TBC1D9B: variants seen among roughly 807,000 people sequenced by gnomAD.
TBC1D9B encodes the protein TBC1 domain family member 9B.
A neutral mutation model predicts 121.1 loss-of-function variants in TBC1D9B; 87 were observed. The observed-to-expected ratio is 0.72, with a 90% CI of 0.60 to 0.86. The LOEUF is 0.86. Ranked by LOEUF, TBC1D9B falls within the 40% of genes least tolerant of loss-of-function variation. TBC1D9B has a pLI of 0.00. For missense variants in TBC1D9B, 1,540 were observed against 1,628.6 expected (o/e 0.95, Z 0.94); for synonymous variants, 668 against 670.1 (o/e 1.00, Z 0.05).
chr5:179,895,984 C>T (rs1480999836), intron 3 of TBC1D9B, among the ~76,000 whole-genome samples: 1 of 152,220 alleles, frequency 6.6e-6, no homozygotes, highest in African/African-American at 2.4e-5. Flanking sequence ...TATACGTTCT[C>T]CTTTATTGGA....
In TBC1D9B at chr5:179,862,275, A is replaced by G. The variant is rs554332055; in HGVS notation, c.*1173T>C. On this transcript the variant is annotated 3_prime_UTR_variant, in exon 21 of 21. Coordinates refer to ENST00000355235, the MANE Select transcript of TBC1D9B (RefSeq NM_015043.4). ...CTGTGGATAAGGGGGTAACTGCTGT[A>G]TCTTTTAGTAGAAGCAAGAGCAGCC... 6.0e-5 allele frequency: 16 copies of G among 265,120 alleles called. No homozygotes were observed. The East Asian group carries it at 1.3e-3, about 21-fold the overall frequency. 16.4% of individuals were successfully genotyped at this position (265,120 alleles called of 1,614,324 possible).
rs1760155959 is a variant in TBC1D9B at position 179,870,424 on chromosome 5, G to A, written c.2556C>T (p.Pro852=). 1 of 1,613,380 alleles carries A rather than the reference G, an allele frequency of 6.2e-7. No homozygotes were observed. ...CATCAATCCGGTACTGCTCCAGGTA[G>A]GGCAGGCTGGGGTCCCGACGGCCGG... The part of the protein sequence containing the change: ...TMAGRRDPSL[P]YLEQYRIDAS... Residue 852 remains proline, a synonymous_variant, in exon 16 of 21, where the codon CCC becomes CCT. Transcript: ENST00000355235.
At position 179,874,669 on chromosome 5, in the gene TBC1D9B, C is replaced by T. The variant is rs182731884; in HGVS notation, c.2186+233G>A. ...ACCCTACATCTGAGCGGTGGCCCTC[C>T]AGCCAGCATGCTCTGCCCGCAGTGC... On this transcript the variant is annotated intron_variant, in intron 12 of 20. Coordinates refer to ENST00000355235, the MANE Select transcript of TBC1D9B (RefSeq NM_015043.4). This position sits in a 1 kb window ranked among gnomAD's most constrained non-coding sequence, Gnocchi z 4.3. Among the ~76,000 whole-genome samples, 408 of 152,330 alleles carry T rather than the reference C, an allele frequency of 2.7e-3. 4 individuals carry two copies. Among genetic ancestry groups the T allele is most frequent in the African/African-American group, 9.4e-3 (390 of 41,588 alleles).
intron 13 of TBC1D9B, 54 bp from the exon 14 acceptor site, chr5:179,873,044 C>T: frequency 6.2e-7 from 1 of 1,613,574 alleles, no homozygotes; most frequent in Non-Finnish European, 8.5e-7. Context: ...CAGAGGGCCA[C>T]CACCTGCCCA....
At position 179,863,300 on chromosome 5, in the gene TBC1D9B, C is replaced by T. The variant is rs747481948; in HGVS notation, c.*148G>A. The T allele has an allele frequency of 3.1e-4, 289 of 941,822 alleles. 1 individual carries two copies. Among genetic ancestry groups the T allele is most frequent in the Non-Finnish European group, 3.5e-4 (222 of 641,114 alleles). 58.3% of individuals were successfully genotyped at this position (941,822 alleles called of 1,614,324 possible). On this transcript the variant is annotated 3_prime_UTR_variant, in exon 21 of 21. Coordinates refer to ENST00000355235, the MANE Select transcript of TBC1D9B (RefSeq NM_015043.4). The surrounding 1 kb of genome is among the most constrained non-coding windows in gnomAD (Gnocchi z 4.5). ...TCTGTCTAAGGCAGCTGGGTCTGCACCAGCCTTCTTTCCACTCACAACTCA... is the reference window on the plus strand; with the variant it reads ...TCTGTCTAAGGCAGCTGGGTCTGCATCAGCCTTCTTTCCACTCACAACTCA...
intron 16 of TBC1D9B, 148 bp from the exon 17 acceptor site, chr5:179,869,982 T>C: frequency 1.1e-6 from 1 of 949,128 alleles, no homozygotes; most frequent in Non-Finnish European, 1.5e-6. Context: ...CCTGTCTCCC[T>C]GGCGTCCTGC....
Position 179,890,179 on chromosome 5 carries a change from C to G in TBC1D9B, c.1044+1200G>C, listed in dbSNP as rs1482890296. 6.6e-6 allele frequency among the ~76,000 whole-genome samples: 1 copy of G among 152,200 alleles called. No individual in the cohort carries two copies. The highest frequency in any genetic ancestry group is 2.4e-5 in the African/African-American group (1 of 41,446). ...AGTGAGCTGCGTGCGCAAAAGCCTGCAGGCTGGAACGTGGAGGAGCAGGTG... is the reference window on the plus strand; with the variant it reads ...AGTGAGCTGCGTGCGCAAAAGCCTGGAGGCTGGAACGTGGAGGAGCAGGTG... On this transcript the variant is annotated intron_variant, in intron 6 of 20. Transcript: ENST00000355235. This position sits in a 1 kb window ranked among gnomAD's most constrained non-coding sequence, Gnocchi z 5.0.
chr5:179,892,867 G>A (rs966217102), intron 5 of TBC1D9B, among the ~76,000 whole-genome samples: 2 of 152,188 alleles, frequency 1.3e-5, no homozygotes, highest in African/African-American at 4.8e-5. Context: ...CTCACTAACC[G>A]AGGGACTTCA....
Position 179,879,630 on chromosome 5 carries a change from C to A in TBC1D9B, c.1414G>T (p.Gly472Trp), listed in dbSNP as rs765098338. 3.1e-6 allele frequency: 5 copies of A among 1,613,778 alleles called. No homozygotes were observed. Among genetic ancestry groups the A allele is most frequent in the Admixed American group, 1.7e-5 (1 of 60,004 alleles). Reference protein sequence around the residue: ...NSPMEDLGAKGAKEKMKEESW... With the variant: ...NSPMEDLGAKWAKEKMKEESW... ...GAGTGCCGGCGCTCAGGGCTCACCC[C>A]CTTGGCTCCAAGGTCCTCCATGGGC... is the stretch of plus-strand genomic sequence containing the variant. Residue 472 changes from glycine to tryptophan, a missense_variant and splice_region_variant, in exon 8 of 21, where the codon GGG becomes TGG. Gly to Trp is a radical substitution (Grantham distance 184). Coordinates refer to ENST00000355235, the MANE Select transcript of TBC1D9B (RefSeq NM_015043.4).
rs111881307 is a variant in TBC1D9B at position 179,904,527 on chromosome 5, G to A, written c.229+175C>T. Among the ~76,000 whole-genome samples the A allele has an allele frequency of 2.1e-4, 32 of 152,204 alleles. 1 individual carries two copies. The highest frequency in any genetic ancestry group is 6.5e-4 in the African/African-American group (27 of 41,534). On this transcript the variant is annotated intron_variant, in intron 2 of 20. Transcript: ENST00000355235. This position sits in a 1 kb window ranked among gnomAD's most constrained non-coding sequence, Gnocchi z 4.2. The stretch of plus-strand genomic sequence containing the variant: ...GACGTGAGCCACCGCACCGGGCCAC[G>A]GAGCTGCCTTTCTAAGATGGAAGCG...
intron 7 of TBC1D9B, among the ~76,000 whole-genome samples, chr5:179,887,446 G>A (rs1760721591): frequency 6.6e-6 from 1 of 152,242 alleles, no homozygotes; most frequent in Non-Finnish European, 1.5e-5. Context: ...GATGCAATCA[G>A]CAAAACCAGA....
chr5:179,891,174 C>T lies in TBC1D9B; in HGVS notation c.1044+205G>A, dbSNP rs570801781. Among the ~76,000 whole-genome samples the T allele has an allele frequency of 1.3e-5, 2 of 152,328 alleles. No individual in the cohort carries two copies. The highest frequency in any genetic ancestry group is 6.5e-5 in the Admixed American group (1 of 15,310). On this transcript the variant is annotated intron_variant, in intron 6 of 20. Coordinates refer to ENST00000355235, the MANE Select transcript of TBC1D9B (RefSeq NM_015043.4). The surrounding 1 kb of genome is among the most constrained non-coding windows in gnomAD (Gnocchi z 4.3). ...TGCCCCCACCATGTTACCTGCCTCC[C>T]CAACAGGGCAGGTGCCTGTGGAGGG...
At chr5:179,871,574 C>G (rs1760199411) in intron 14 of TBC1D9B, 44 bp from the exon 15 acceptor site, 5 of 1,594,940 alleles carry the variant, frequency 3.1e-6, no homozygotes, top group Non-Finnish European at 4.3e-6. Flanking sequence ...ATCACAAGCT[C>G]CTGGCACAGA....
chr5:179,867,222 G>C (rs1439651513), intron 18 of TBC1D9B: 1 of 526,274 alleles, frequency 1.9e-6, no homozygotes, highest in Non-Finnish European at 3.5e-6. Context: ...GCCTTGCCCT[G>C]GGCCTGCTTG....
chr5:179,903,689 G>A (rs926121447), intron 2 of TBC1D9B, among the ~76,000 whole-genome samples: 8 of 152,106 alleles, frequency 5.3e-5, no homozygotes, highest in Admixed American at 6.5e-5. Context: ...TATCACTCAC[G>A]CCTGAATGAA....
intron 7 of TBC1D9B, among the ~76,000 whole-genome samples, chr5:179,887,368 C>T (rs895431442): frequency 2.6e-5 from 4 of 152,248 alleles, no homozygotes; most frequent in Admixed American, 6.5e-5. Context: ...AATGTGATCA[C>T]GGCTCTCGGT....
Position 179,871,435 on chromosome 5 carries a change from G to C in TBC1D9B, c.2484+27C>G, listed in dbSNP as rs373582042. 3.1e-6 allele frequency: 5 copies of C among 1,609,314 alleles called. No homozygotes were observed. In the African/African-American group the frequency reaches 5.3e-5, roughly 17 times the overall value. On this transcript the variant is annotated intron_variant, in intron 15 of 20. Coordinates refer to ENST00000355235, the MANE Select transcript of TBC1D9B (RefSeq NM_015043.4). ...GCAGGAAGCTAGGAAGCTAGGAACG[G>C]GTCCTGCCCTGGCTCTGAGCTGTCA...
rs1759887960 is a variant in TBC1D9B at position 179,862,918 on chromosome 5, AAACATGT to A, written c.*523_*529del. ...GTGCGCAGCGCCCACTCTGTGCAATAAACATGTTCTGCCCATGTTCCTCAGTCAGGAG... is the reference window on the plus strand; with the variant it reads ...GTGCGCAGCGCCCACTCTGTGCAATATCTGCCCATGTTCCTCAGTCAGGAG... On this transcript the variant is annotated 3_prime_UTR_variant, in exon 21 of 21. Transcript: ENST00000355235. The A allele has an allele frequency of 7.3e-6, 2 of 273,426 alleles. No individual in the cohort carries two copies. Among genetic ancestry groups the A allele is most frequent in the Admixed American group, 8.4e-5 (2 of 23,882 alleles). The allele number at this position is 273,426 out of a possible 1,614,324, so 16.9% of individuals were successfully genotyped here. A position where few individuals can be genotyped will look rare whatever the true frequency, so the allele number is the denominator to read the frequency against.
At position 179,898,883 on chromosome 5, in the gene TBC1D9B, T is replaced by C. The variant is rs950204686; in HGVS notation, c.348+306A>G. 2.6e-5 allele frequency among the ~76,000 whole-genome samples: 4 copies of C among 152,234 alleles called. No individual in the cohort carries two copies. The East Asian group carries it at 5.8e-4, about 22-fold the overall frequency. On this transcript the variant is annotated intron_variant, in intron 3 of 20. Transcript: ENST00000355235. ...AAAAACAACTCAAAATATCCAATTG[T>C]TTCCAGCATCTCTTCTGGCAAACAG...
Sources: gnomAD v4.1 joint callset for allele counts (sites outside exome capture counted in the v4.1 genomes callset) on GRCh38, gnomAD v4.1.1 for gene constraint, Gnocchi (gnomAD v3.1) non-coding constraint, MANE v1.5 for transcripts, NCBI Gene and HGNC (gene_info 2026-07-23, HGNC 2026-07-21) for gene names.